The following PHC3 variants were observed in gnomAD, a reference collection of about 807,000 sequenced individuals.
The protein encoded by PHC3 is polyhomeotic-like protein 3.
A neutral mutation model predicts 107.4 loss-of-function variants in PHC3; 13 were observed. The ratio of observed to expected loss-of-function variants is 0.12; its 90% CI spans 0.08 to 0.19. The LOEUF (loss-of-function observed/expected upper bound fraction) is 0.19, where lower values mean the gene tolerates loss of function less well. Among genes scored for constraint, PHC3 ranks in the 10% least tolerant of loss-of-function variants. The pLI is 1.00. For synonymous variants in PHC3, 456 were observed against 427.4 expected, an observed-to-expected ratio of 1.07 and a Z score of -0.83; for missense variants, 992 against 1,210.9, an observed-to-expected ratio of 0.82 and a Z score of 2.68.
chr3:170,149,100 G>A lies in PHC3; in HGVS notation c.559C>T (p.Leu187Phe). 6.2e-7 allele frequency: 1 copy of A among 1,612,848 alleles called. No individual in the cohort carries two copies. Among genetic ancestry groups the A allele is most frequent in the Non-Finnish European group, 8.5e-7 (1 of 1,179,586 alleles). The stretch of plus-strand genomic sequence containing the variant: ...TCATATCTTACCATTTGAGCTCGGA[G>A]ATACATTTGAGCTTGGCTTGCCGTT... ...TLTASQAQMY[L>F]RAQMLIFTPA... The change falls in exon 5 of 15, where the codon CTC becomes TTC. Residue 187 changes from leucine to phenylalanine, a missense_variant. Physicochemically the swap from Leu to Phe is conservative, Grantham distance 22 (BLOSUM62 0). Transcript: ENST00000495893.
intron 7 of PHC3, among the ~76,000 whole-genome samples, chr3:170,130,362 A>C (rs1722056754): frequency 6.6e-6 from 1 of 152,238 alleles, no homozygotes. Flanking sequence ...AAAGCTTCCC[A>C]AATGAGTTTC....
chr3:170,154,543 TTGGC>T (rs1161854302), intron 4 of PHC3, among the ~76,000 whole-genome samples: 5 of 152,220 alleles, frequency 3.3e-5, no homozygotes, highest in Non-Finnish European at 5.9e-5. Flanking sequence ...TAAAAAATGA[TTGGC>T]TGATAGCTAA....
intron 4 of PHC3, among the ~76,000 whole-genome samples, chr3:170,150,935 G>A (rs1037173849): frequency 2.6e-5 from 4 of 151,892 alleles, no homozygotes; most frequent in Admixed American, 6.6e-5. Flanking sequence ...ATTTTTGGCC[G>A]GGTGAGGTGG....
At chr3:170,122,529 C>T (rs1720549178) in intron 9 of PHC3, 62 bp downstream of exon 9, 5 of 1,556,212 alleles carry the variant, frequency 3.2e-6, no homozygotes. Context: ...AAAAAATCAA[C>T]TTTTCCTATT....
intron 8 of PHC3, among the ~76,000 whole-genome samples, chr3:170,123,858 T>G (rs1720835199): frequency 6.8e-6 from 1 of 147,568 alleles, no homozygotes; most frequent in South Asian, 2.2e-4. Flanking sequence ...CTAGAAATAC[T>G]TTTTTTTTTG....
At position 170,178,374 on chromosome 3, in the gene PHC3, G is replaced by A. The variant is rs537875203; in HGVS notation, c.180+399C>T. ...TCTCGATCTCCTGACCTCGTGATCCGCCCGCCTCGGCCTCCCAAAGTGCTG... is the reference window on the plus strand; with the variant it reads ...TCTCGATCTCCTGACCTCGTGATCCACCCGCCTCGGCCTCCCAAAGTGCTG... On this transcript the variant is annotated intron_variant, in intron 2 of 14. Transcript: ENST00000495893. Among the ~76,000 whole-genome samples, 32 of 149,934 alleles carry A rather than the reference G, an allele frequency of 2.1e-4. No homozygotes were observed. The South Asian group carries it at 6.1e-3, about 29-fold the overall frequency.
chr3:170,167,402 C>T (rs1728899737), intron 4 of PHC3, among the ~76,000 whole-genome samples: 1 of 152,210 alleles, frequency 6.6e-6, no homozygotes. Flanking sequence ...AGGCATGAGC[C>T]AACATGCCCA....
At chr3:170,144,158 T>TAAAAAA (rs60191414) in intron 6 of PHC3, among the ~76,000 whole-genome samples, 1 of 118,848 alleles carries the variant, frequency 8.4e-6, no homozygotes, top group Admixed American at 8.6e-5. Context: ...TGTTTCTACT[T>TAAAAAA]AAAAAAAAAA....
intron 12 of PHC3, among the ~76,000 whole-genome samples, chr3:170,105,200 A>G (rs1049017057): frequency 6.6e-6 from 1 of 152,164 alleles, no homozygotes; most frequent in Non-Finnish European, 1.5e-5. Flanking sequence ...CCTTTCCCCA[A>G]ATTTTTAGAG....
chr3:170,165,186 C>T (rs1369553679), intron 4 of PHC3, among the ~76,000 whole-genome samples: 1 of 152,182 alleles, frequency 6.6e-6, no homozygotes, highest in Non-Finnish European at 1.5e-5. Flanking sequence ...TCAATGGAGG[C>T]TAAATGGGGA....
At chr3:170,142,394 A>G (rs1460902469) in intron 6 of PHC3, among the ~76,000 whole-genome samples, 1 of 152,174 alleles carries the variant, frequency 6.6e-6, no homozygotes, top group African/African-American at 2.4e-5. Context: ...ACCAAAATCA[A>G]TCTGCTGGCA....
At chr3:170,167,854 G>A (rs1728966169) in intron 4 of PHC3, among the ~76,000 whole-genome samples, 1 of 151,796 alleles carries the variant, frequency 6.6e-6, no homozygotes, top group African/African-American at 2.4e-5. Context: ...TCTTCAGTAT[G>A]TTAGAAATAT....
At chr3:170,123,695 A>G (rs531492437) in intron 8 of PHC3, among the ~76,000 whole-genome samples, 1 of 151,726 alleles carries the variant, frequency 6.6e-6, no homozygotes, top group African/African-American at 2.4e-5. Flanking sequence ...TGGGAGGCTG[A>G]ATCAAGAACA....
At chr3:170,181,342 G>A (rs1373720320) in intron 1 of PHC3, among the ~76,000 whole-genome samples, 1 of 151,860 alleles carries the variant, frequency 6.6e-6, no homozygotes, top group Admixed American at 6.6e-5. Context: ...GCAGGCAGCC[G>A]TAACAAGGCT....
At chr3:170,123,584 T>C (rs886068647) in intron 8 of PHC3, among the ~76,000 whole-genome samples, 2 of 151,330 alleles carry the variant, frequency 1.3e-5, no homozygotes, top group African/African-American at 4.9e-5. Context: ...AGGTCAGGAG[T>C]TCCACAACAG....
chr3:170,147,701 G>C (rs1377366049), intron 5 of PHC3: 2 of 152,144 alleles, frequency 1.3e-5, no homozygotes, highest in Non-Finnish European at 2.9e-5. Flanking sequence ...CCTCAGATTT[G>C]GGTATTCTAG....
Position 170,151,535 on chromosome 3 carries a change from C to T in PHC3, c.415-2291G>A, listed in dbSNP as rs1016919865. Among the ~76,000 whole-genome samples the T allele has an allele frequency of 1.2e-4, 18 of 152,284 alleles. 1 individual carries two copies. The East Asian group carries it at 3.5e-3, about 29-fold the overall frequency. Reference sequence around the variant, plus strand: ...GCCAGAGAGATGTCACCTCAGCTGACACCAAGGCAGTCTATAAGGGTATCT... The same window carrying T: ...GCCAGAGAGATGTCACCTCAGCTGATACCAAGGCAGTCTATAAGGGTATCT... On this transcript the variant is annotated intron_variant, in intron 4 of 14. Coordinates refer to ENST00000495893, the MANE Select transcript of PHC3 (RefSeq NM_024947.4).
At chr3:170,157,541 C>T (rs1727081378) in intron 4 of PHC3, among the ~76,000 whole-genome samples, 1 of 152,160 alleles carries the variant, frequency 6.6e-6, no homozygotes. Flanking sequence ...CTTCTACACC[C>T]AATCACTTAA....
chr3:170,130,026 G>T (rs1250211396), intron 7 of PHC3, among the ~76,000 whole-genome samples: 1 of 152,096 alleles, frequency 6.6e-6, no homozygotes, highest in Non-Finnish European at 1.5e-5. Context: ...TTTATAGTTG[G>T]AAAACTAGAA....
Sources: allele counts gnomAD v4.1 joint callset (sites outside exome capture counted in the v4.1 genomes callset), GRCh38; gene constraint gnomAD v4.1.1; transcripts MANE v1.5; gene names NCBI Gene and HGNC (gene_info 2026-07-23, HGNC 2026-07-21).